The following ZNF804B variants were observed in gnomAD, a reference collection of about 807,000 sequenced individuals.
The protein encoded by ZNF804B is zinc finger protein 804B, also known as zinc finger 804B.
A neutral mutation model predicts 101.4 loss-of-function variants in ZNF804B; 80 were observed. That is an observed-to-expected ratio of 0.79 (90% CI 0.66 to 0.95). The LOEUF (loss-of-function observed/expected upper bound fraction) is 0.95, where lower values mean the gene tolerates loss of function less well. Among genes scored for constraint, ZNF804B ranks in the 40% least tolerant of loss-of-function variants. The probability of loss-of-function intolerance (pLI) is 0.00; values close to 1 mark genes in which losing one functional copy is unlikely to be tolerated. For synonymous variants in ZNF804B, 622 were observed against 558.8 expected (o/e 1.11, Z -1.59); for missense variants, 1,673 against 1,561.9 (o/e 1.07, Z -1.20).
chr7:88,787,691 G>T (rs150807586), intron 1 of ZNF804B, among the ~76,000 whole-genome samples: 1 of 152,108 alleles, frequency 6.6e-6, no homozygotes, highest in African/African-American at 2.4e-5. Flanking sequence ...CTCTCATTGT[G>T]CAGATGAGGA....
rs1035953269 is a variant in ZNF804B, at chr7:88,825,545, G to T, written c.108+65461G>T. 1.4e-4 allele frequency among the ~76,000 whole-genome samples: 6 copies of T among 42,048 alleles called. No homozygotes were observed. The African/African-American group carries it at 1.5e-3, about 10-fold the overall frequency. 27.6% of individuals were successfully genotyped at this position (42,048 alleles called of 152,430 possible). A position where few individuals can be genotyped will look rare whatever the true frequency, so the allele number is the denominator to read the frequency against. On this transcript the variant is annotated intron_variant, in intron 1 of 3. Coordinates refer to ENST00000333190, the MANE Select transcript of ZNF804B (RefSeq NM_181646.5). ...TTTCCCACAGATACCTGTGTCCTCT[G>T]TCTCCACAGTAGAGAGAGGTCAAAG...
chr7:89,313,969 T>C (rs1447802808), intron 2 of ZNF804B, among the ~76,000 whole-genome samples: 2 of 152,176 alleles, frequency 1.3e-5, no homozygotes, highest in African/African-American at 2.4e-5. Flanking sequence ...ATGAATTAGA[T>C]GCTTGGACAT....
At chr7:89,044,348 C>G (rs1242269632) in intron 1 of ZNF804B, among the ~76,000 whole-genome samples, 1 of 152,100 alleles carries the variant, frequency 6.6e-6, no homozygotes, top group Non-Finnish European at 1.5e-5. Context: ...TATAAATTAC[C>G]CAGTCTTGGA....
chr7:89,308,293 A>G (rs983864971), intron 2 of ZNF804B, among the ~76,000 whole-genome samples: 2 of 152,168 alleles, frequency 1.3e-5, no homozygotes, highest in Non-Finnish European at 2.9e-5. Flanking sequence ...GAAATAAGAG[A>G]TGGTTCATTA....
At chr7:88,972,546 A>T (rs1261818013) in intron 1 of ZNF804B, among the ~76,000 whole-genome samples, 1 of 151,346 alleles carries the variant, frequency 6.6e-6, no homozygotes, top group Non-Finnish European at 1.5e-5. Context: ...ATTGTGATAG[A>T]AAAAAAGTCC....
chr7:88,875,569 A>G (rs1791919374), intron 1 of ZNF804B, among the ~76,000 whole-genome samples: 1 of 152,084 alleles, frequency 6.6e-6, no homozygotes, highest in African/African-American at 2.4e-5. Context: ...GAAGAAATGG[A>G]TAAATTCCTC....
At chr7:88,780,201 G>C (rs905851390) in intron 1 of ZNF804B, among the ~76,000 whole-genome samples, 3 of 151,954 alleles carry the variant, frequency 2.0e-5, no homozygotes, top group Non-Finnish European at 4.4e-5. Flanking sequence ...TGGAGAAAAG[G>C]GAACCCTTGT....
At chr7:89,160,484 T>G (rs913886193) in intron 1 of ZNF804B, among the ~76,000 whole-genome samples, 1 of 152,198 alleles carries the variant, frequency 6.6e-6, no homozygotes, top group African/African-American at 2.4e-5. Context: ...AAAAGATCAA[T>G]TTAGTTCTTT....
Position 89,333,569 on chromosome 7 carries a change from G to GTTGC in ZNF804B, c.590_591insCTTG (p.Gly200ValfsTer42). The GTTGC allele has an allele frequency of 6.2e-7, 1 of 1,613,438 alleles. No homozygotes were observed. Among genetic ancestry groups the GTTGC allele is most frequent in the Non-Finnish European group, 8.5e-7 (1 of 1,179,626 alleles). ...CGACACCAATTACAATCAGACAGGC[G>GTTGC]TTGTTTGTTTGGAAATCAGGTACTG... On this transcript the variant is annotated frameshift_variant, in exon 4 of 4. Coordinates refer to ENST00000333190, the MANE Select transcript of ZNF804B (RefSeq NM_181646.5). LOFTEE classifies it high-confidence loss of function.
At chr7:89,138,536 T>C (rs1790670302) in intron 1 of ZNF804B, among the ~76,000 whole-genome samples, 1 of 152,034 alleles carries the variant, frequency 6.6e-6, no homozygotes, top group African/African-American at 2.4e-5. Flanking sequence ...TTGGAGTTAA[T>C]GGTGAAATGA....
At chr7:88,804,337 G>A (rs868653225) in intron 1 of ZNF804B, among the ~76,000 whole-genome samples, 1 of 152,024 alleles carries the variant, frequency 6.6e-6, no homozygotes, top group Non-Finnish European at 1.5e-5. Flanking sequence ...GTTTCTTTTT[G>A]TCTTTTCTAT....
chr7:88,939,688 G>A (rs1793028635), intron 1 of ZNF804B, among the ~76,000 whole-genome samples: 1 of 149,812 alleles, frequency 6.7e-6, no homozygotes, highest in Non-Finnish European at 1.5e-5. Context: ...ATGCAGAAAA[G>A]ATAAAAATAA....
chr7:88,954,146 T>G (rs1188300077), intron 1 of ZNF804B, among the ~76,000 whole-genome samples: 5 of 151,816 alleles, frequency 3.3e-5, no homozygotes, highest in Admixed American at 2.0e-4. Context: ...CAGAAAAGTT[T>G]GAAATTCTTG....
At chr7:88,899,590 C>G (rs575308317) in intron 1 of ZNF804B, among the ~76,000 whole-genome samples, 1 of 152,260 alleles carries the variant, frequency 6.6e-6, no homozygotes, top group Admixed American at 6.5e-5. Context: ...CTACCCACTA[C>G]TTTAACAGTT....
At chr7:89,024,820 G>T (rs921728680) in intron 1 of ZNF804B, among the ~76,000 whole-genome samples, 1 of 151,666 alleles carries the variant, frequency 6.6e-6, no homozygotes, top group African/African-American at 2.4e-5. Context: ...GAAGATTCTC[G>T]CATGTTAAAA....
At chr7:89,074,497 G>A (rs1188118769) in intron 1 of ZNF804B, among the ~76,000 whole-genome samples, 6 of 152,124 alleles carry the variant, frequency 3.9e-5, no homozygotes, top group Admixed American at 3.9e-4. Flanking sequence ...CTCTTTGCCT[G>A]CCCTCATCCA....
At chr7:88,820,194 G>T (rs1790954555) in intron 1 of ZNF804B, among the ~76,000 whole-genome samples, 1 of 152,134 alleles carries the variant, frequency 6.6e-6, no homozygotes, top group Admixed American at 6.6e-5. Context: ...TGCATCTTTT[G>T]TAGGATACAG....
intron 1 of ZNF804B, among the ~76,000 whole-genome samples, chr7:88,767,294 A>G (rs1790000064): frequency 1.3e-5 from 2 of 152,112 alleles, no homozygotes; most frequent in Admixed American, 6.5e-5. Context: ...TCCATTCAGA[A>G]CCCACCTACC....
Position 88,920,736 on chromosome 7 carries a change from TA to T in ZNF804B, c.108+160659del, listed in dbSNP as rs921191048. ...TTTAAATATATAGAACATTATCTAG[TA>T]AAAAAACTCATTTTATAGATACAGA... is the stretch of plus-strand genomic sequence containing the variant. On this transcript the variant is annotated intron_variant, in intron 1 of 3. Coordinates refer to ENST00000333190, the MANE Select transcript of ZNF804B (RefSeq NM_181646.5). Among the ~76,000 whole-genome samples the T allele has an allele frequency of 4.3e-4, 66 of 152,090 alleles. 1 individual carries two copies. The highest frequency in any genetic ancestry group is 5.3e-4 in the Non-Finnish European group (36 of 67,940).
Sources: gnomAD v4.1 joint callset for allele counts (sites outside exome capture counted in the v4.1 genomes callset) on GRCh38, gnomAD v4.1.1 for gene constraint, MANE v1.5 for transcripts, NCBI Gene and HGNC (gene_info 2026-07-23, HGNC 2026-07-21) for gene names.